AHDC1: variants seen among roughly 807,000 people sequenced by gnomAD.
AHDC1 encodes the protein transcription factor Gibbin.
Under a neutral mutation model 87.9 loss-of-function variants are expected in AHDC1, and 7 were observed. That is an observed-to-expected ratio of 0.08 (90% CI 0.05 to 0.15). The LOEUF (loss-of-function observed/expected upper bound fraction) is 0.15, where lower values mean the gene tolerates loss of function less well. AHDC1 is among the 10% of genes least tolerant of loss of function. The probability of loss-of-function intolerance (pLI) is 1.00; values close to 1 mark genes in which losing one functional copy is unlikely to be tolerated. For missense variants in AHDC1, 1,841 were observed against 2,253.2 expected (o/e 0.82, Z 3.70); for synonymous variants, 1,051 against 1,006.8 (o/e 1.04, Z -0.83).
intron 3 of AHDC1, among the ~76,000 whole-genome samples, chr1:27,580,778 T>G (rs1288146695): frequency 6.6e-6 from 1 of 152,256 alleles, no homozygotes; most frequent in East Asian, 1.9e-4. Flanking sequence ...TCATCTAGCT[T>G]AGTTCCATAG....
chr1:27,597,740 T>C (rs1441983630), intron 3 of AHDC1, among the ~76,000 whole-genome samples: 1 of 152,094 alleles, frequency 6.6e-6, no homozygotes, highest in Non-Finnish European at 1.5e-5. Context: ...TCCCTGTTTG[T>C]GGTTTGCAGC....
At chr1:27,575,713 CGTCTGGCCGGGCGGGGGCCAA>C (rs1288896419) in intron 3 of AHDC1, among the ~76,000 whole-genome samples, 1 of 151,602 alleles carries the variant, frequency 6.6e-6, no homozygotes. Flanking sequence ...CGGGTAGCCA[CGTCTGGCCGGGCGGGGGCCAA>C]GCCGGCCGCC....
Position 27,547,139 on chromosome 1 carries a change from C to G in AHDC1, c.*43+122G>C. ...ATCCCTACACCCTGCTCTCAGTCCC[C>G]AGCCTTGCCCTTAAATCCTGCATTT... On this transcript the variant is annotated intron_variant, in intron 8 of 8. Coordinates refer to ENST00000673934, the MANE Select transcript of AHDC1 (RefSeq NM_001371928.1). The surrounding 1 kb of genome is among the most constrained non-coding windows in gnomAD (Gnocchi z 4.9). The G allele has an allele frequency of 1.5e-6, 1 of 669,116 alleles. No homozygotes were observed. Among genetic ancestry groups the G allele is most frequent in the East Asian group, 2.8e-5 (1 of 35,252 alleles). The allele number at this position is 669,116 out of a possible 1,614,324, so 41.4% of individuals were successfully genotyped here.
chr1:27,547,997 G>A lies in AHDC1; in HGVS notation c.4119C>T (p.Pro1373=), dbSNP rs1012505411. Residue 1373 remains proline, a synonymous_variant, in exon 8 of 9, where the codon CCC becomes CCT. Transcript: ENST00000673934. This position sits in a 1 kb window ranked among gnomAD's most constrained non-coding sequence, Gnocchi z 4.9. The part of the protein sequence containing the change: ...FHCDSPSLGA[P]ELDGKHFPPL... ...GTGGGAAATGCTTGCCATCAAGCTCGGGAGCACCCAGGCTGGGCGAGTCGC... is the reference window on the plus strand; with the variant it reads ...GTGGGAAATGCTTGCCATCAAGCTCAGGAGCACCCAGGCTGGGCGAGTCGC... 1.6e-5 allele frequency: 26 copies of A among 1,607,778 alleles called. 1 individual carries two copies. The highest frequency in any genetic ancestry group is 2.0e-5 in the Non-Finnish European group (23 of 1,175,476).
Position 27,551,114 on chromosome 1 carries a change from G to A in AHDC1, c.1002C>T (p.Leu334=), listed in dbSNP as rs372093278. 9 of 1,584,232 alleles carry A rather than the reference G, an allele frequency of 5.7e-6. No individual in the cohort carries two copies. The highest frequency in any genetic ancestry group is 2.3e-5 in the South Asian group (2 of 88,780). Residue 334 remains leucine (L), a synonymous_variant, in exon 8 of 9, where the codon CTC becomes CTT. Coordinates refer to ENST00000673934, the MANE Select transcript of AHDC1 (RefSeq NM_001371928.1). The part of the protein sequence containing the change: ...LESQLLDPQA[L]DPLPKLLDVP... ...CGTCAAGCAGCTTGGGCAGGGGGTC[G>A]AGTGCCTGGGGGTCAAGCAGCTGCG... is the stretch of plus-strand genomic sequence containing the variant.
intron 3 of AHDC1, among the ~76,000 whole-genome samples, chr1:27,594,667 C>T (rs2089316261): frequency 6.6e-6 from 1 of 152,082 alleles, no homozygotes; most frequent in Admixed American, 6.6e-5. Flanking sequence ...CTGGGAAGAG[C>T]GGGAGGCCTG....
intron 8 of AHDC1, among the ~76,000 whole-genome samples, chr1:27,542,102 A>C (rs376405839): frequency 8.5e-5 from 13 of 152,392 alleles, no homozygotes; most frequent in African/African-American, 2.9e-4. Context: ...TTCCAGCACA[A>C]ACGCAGTGCA....
At position 27,562,890 on chromosome 1, in the gene AHDC1, C is replaced by T. The variant is rs2148352917; in HGVS notation, c.-628-4007G>A. On this transcript the variant is annotated intron_variant, in intron 3 of 8. Transcript: ENST00000673934. The surrounding 1 kb of genome is among the most constrained non-coding windows in gnomAD (Gnocchi z 4.4). ...CGGGCACATGGTGACATCTCACACA[C>T]ACAACAGCCAGAGACAGGCGCACAA... 6.6e-6 allele frequency among the ~76,000 whole-genome samples: 1 copy of T among 152,338 alleles called. No homozygotes were observed. The highest frequency in any genetic ancestry group is 6.5e-5 in the Admixed American group (1 of 15,314).
intron 8 of AHDC1, among the ~76,000 whole-genome samples, chr1:27,535,365 G>A: frequency 6.6e-6 from 1 of 152,170 alleles, no homozygotes; most frequent in East Asian, 1.9e-4. Context: ...CAGCGGTATA[G>A]GACAGATGAA....
intron 3 of AHDC1, among the ~76,000 whole-genome samples, chr1:27,584,001 G>A (rs747619769): frequency 1.3e-5 from 2 of 152,188 alleles, no homozygotes; most frequent in Non-Finnish European, 2.9e-5. Flanking sequence ...GATCTGCAGT[G>A]ACTGGAAACA....
rs1053888194 is a variant in AHDC1 at position 27,563,795 on chromosome 1, A to C, written c.-628-4912T>G. ...CCAGTGGCGGGTGCTGGGGGAGAGG[A>C]GTGCTGGGGAGGAAGCTGCCTGGAC... On this transcript the variant is annotated intron_variant, in intron 3 of 8. Transcript: ENST00000673934. The surrounding 1 kb of genome is among the most constrained non-coding windows in gnomAD (Gnocchi z 6.1). Among the ~76,000 whole-genome samples, 6 of 151,480 alleles carry C rather than the reference A, an allele frequency of 4.0e-5. No individual in the cohort carries two copies. Among genetic ancestry groups the C allele is most frequent in the African/African-American group, 1.5e-4 (6 of 41,144 alleles).
intron 3 of AHDC1, among the ~76,000 whole-genome samples, chr1:27,596,814 C>T (rs1351714239): frequency 5.3e-5 from 8 of 152,124 alleles, no homozygotes; most frequent in South Asian, 2.1e-4. Flanking sequence ...ATCACATAAA[C>T]GTGCATCCAC....
At chr1:27,564,659 G>T (rs961858877) in intron 3 of AHDC1, among the ~76,000 whole-genome samples, 2 of 152,190 alleles carry the variant, frequency 1.3e-5, no homozygotes, top group African/African-American at 4.8e-5. Flanking sequence ...GTGTGGAGGG[G>T]GACAGGGGAG....
At chr1:27,541,288 G>A (rs916778856) in intron 8 of AHDC1, among the ~76,000 whole-genome samples, 1 of 152,170 alleles carries the variant, frequency 6.6e-6, no homozygotes, top group Non-Finnish European at 1.5e-5. Flanking sequence ...CTGTTCTAGA[G>A]AGTGATGCTC....
intron 3 of AHDC1, among the ~76,000 whole-genome samples, chr1:27,594,323 C>G (rs2089306038): frequency 6.6e-6 from 1 of 152,090 alleles, no homozygotes; most frequent in Admixed American, 6.5e-5. Context: ...CTCAGGTGAG[C>G]CAAGGGGTTG....
In AHDC1 at chr1:27,565,559, C is replaced by G. The variant is rs780375879; in HGVS notation, c.-628-6676G>C. ...CTGGACAAACATTCTGTCTGGTGTC[C>G]CCCGGCGCTGGTGAGCAAGGGGCGG... On this transcript the variant is annotated intron_variant, in intron 3 of 8. Transcript: ENST00000673934. The surrounding 1 kb of genome is among the most constrained non-coding windows in gnomAD (Gnocchi z 4.6). 9.2e-5 allele frequency among the ~76,000 whole-genome samples: 14 copies of G among 152,274 alleles called. No homozygotes were observed. In the Middle Eastern group the frequency reaches 0.024, roughly 259 times the overall value.
intron 3 of AHDC1, among the ~76,000 whole-genome samples, chr1:27,592,509 G>A (rs1264206117): frequency 3.3e-5 from 5 of 152,260 alleles, no homozygotes; most frequent in South Asian, 4.1e-4. Flanking sequence ...ACTTCAGCTC[G>A]GCATCCTGCA....
intron 3 of AHDC1, among the ~76,000 whole-genome samples, chr1:27,566,650 GC>G (rs2020330585): frequency 7.2e-6 from 1 of 138,504 alleles, no homozygotes; most frequent in Non-Finnish European, 1.6e-5. Context: ...GGGGGGAACA[GC>G]AGTAGGCAGA....
At position 27,565,198 on chromosome 1, in the gene AHDC1, G is replaced by A. The variant is rs2020266702; in HGVS notation, c.-628-6315C>T. 6.6e-6 allele frequency among the ~76,000 whole-genome samples: 1 copy of A among 152,120 alleles called. No individual in the cohort carries two copies. Among genetic ancestry groups the A allele is most frequent in the Non-Finnish European group, 1.5e-5 (1 of 68,000 alleles). Reference sequence around the variant, plus strand: ...TTCCCCCCACCCACCCGCCGAGGGGGCCCAGCATGCCTTGCGTGCAACCTG... The same window carrying A: ...TTCCCCCCACCCACCCGCCGAGGGGACCCAGCATGCCTTGCGTGCAACCTG... On this transcript the variant is annotated intron_variant, in intron 3 of 8. Transcript: ENST00000673934. The surrounding 1 kb of genome is among the most constrained non-coding windows in gnomAD (Gnocchi z 4.6).
Sources: gnomAD v4.1 joint callset for allele counts (sites outside exome capture counted in the v4.1 genomes callset) on GRCh38, gnomAD v4.1.1 for gene constraint, Gnocchi (gnomAD v3.1) non-coding constraint, MANE v1.5 for transcripts, NCBI Gene and HGNC (gene_info 2026-07-23, HGNC 2026-07-21) for gene names.